GPBP1: variants seen among roughly 807,000 people sequenced by gnomAD.
GPBP1 encodes the protein GC-rich promoter binding protein 1.
GPBP1 carries 13 observed loss-of-function variants against 56.5 expected under a neutral mutation model. The observed-to-expected ratio is 0.23, with a 90% CI of 0.15 to 0.37. The LOEUF is 0.37. Ranked by LOEUF, GPBP1 falls within the 10% of genes least tolerant of loss-of-function variation. The pLI, the probability that GPBP1 is intolerant of heterozygous loss-of-function variation, is 1.00. For synonymous variants in GPBP1, 204 were observed against 188.9 expected, an observed-to-expected ratio of 1.08 and a Z score of -0.66; for missense variants, 477 against 572.3, an observed-to-expected ratio of 0.83 and a Z score of 1.70.
In GPBP1 at chr5:57,231,222, A is replaced by G; in HGVS notation, c.312A>G (p.Ala104=). ...SSRSRSSIFH[A]GKSQGLHENN... is the part of the protein sequence containing the mutation. Reference sequence around the variant, plus strand: ...GTTCTCGTAGCAGTATTTTCCATGCAGGAAAAAGCCAAGGACTACATGAAA... The same window carrying G: ...GTTCTCGTAGCAGTATTTTCCATGCGGGAAAAAGCCAAGGACTACATGAAA... The change falls in exon 5 of 12, where the codon GCA becomes GCG. Residue 104 remains alanine (A), a synonymous_variant. Transcript: ENST00000506184. 1 of 1,614,142 alleles carries G rather than the reference A, an allele frequency of 6.2e-7. No homozygotes were observed. The highest frequency in any genetic ancestry group is 8.5e-7 in the Non-Finnish European group (1 of 1,179,968).
At chr5:57,247,434 A>G (rs181943313) in intron 8 of GPBP1, among the ~76,000 whole-genome samples, 1 of 152,312 alleles carries the variant, frequency 6.6e-6, no homozygotes, top group East Asian at 1.9e-4. Context: ...TCATTCCTAT[A>G]ATCCCAACAT....
chr5:57,194,234 C>T (rs149753371), intron 2 of GPBP1, among the ~76,000 whole-genome samples: 1,644 of 152,140 alleles, frequency 0.011, 19 homozygotes, highest in Middle Eastern at 0.017. Flanking sequence ...GAATAGTTCT[C>T]GTAAATATAA....
intron 3 of GPBP1, among the ~76,000 whole-genome samples, chr5:57,227,509 C>T (rs981150900): frequency 1.3e-5 from 2 of 152,204 alleles, no homozygotes; most frequent in African/African-American, 2.4e-5. Context: ...CACGTTCTTG[C>T]TTGTATGCCA....
At chr5:57,254,132 C>T (rs1580082137) in intron 10 of GPBP1, among the ~76,000 whole-genome samples, 1 of 151,958 alleles carries the variant, frequency 6.6e-6, no homozygotes, top group East Asian at 1.9e-4. Flanking sequence ...CGCCATGTTG[C>T]CCAGGCTGGT....
rs201993755 is a variant in GPBP1, at chr5:57,251,575, CTTT to C, written c.1160+448_1160+450del. 6.0e-5 allele frequency among the ~76,000 whole-genome samples: 8 copies of C among 133,256 alleles called. No homozygotes were observed. In the East Asian group the frequency reaches 6.7e-4, roughly 11 times the overall value. 87.4% of individuals were successfully genotyped at this position (133,256 alleles called of 152,430 possible). A position where few individuals can be genotyped will look rare whatever the true frequency, so the allele number is the denominator to read the frequency against. On this transcript the variant is annotated intron_variant, in intron 10 of 11. Transcript: ENST00000506184. ...TGATGAATATTAGTTGTTTCCACCT[CTTT>C]TTTTTTTTTTTTTAACAGTAGGCTC...
At chr5:57,250,569 G>A (rs929870074) in intron 9 of GPBP1, among the ~76,000 whole-genome samples, 1 of 139,548 alleles carries the variant, frequency 7.2e-6, no homozygotes, top group Non-Finnish European at 1.5e-5. Context: ...TTTTTTTAGA[G>A]TTTTGCTCTT....
chr5:57,196,009 T>A (rs1754731128), intron 2 of GPBP1, among the ~76,000 whole-genome samples: 2 of 121,032 alleles, frequency 1.7e-5, no homozygotes, highest in South Asian at 2.5e-4. Flanking sequence ...AAAAAAAATT[T>A]TTTTTTTTTG....
chr5:57,192,141 G>A (rs542909534), intron 2 of GPBP1, among the ~76,000 whole-genome samples: 2 of 152,306 alleles, frequency 1.3e-5, no homozygotes, highest in South Asian at 4.1e-4. Flanking sequence ...TTTCAGGTGA[G>A]TATCCTCAGG....
intron 2 of GPBP1, among the ~76,000 whole-genome samples, chr5:57,176,661 A>T (rs1225771573): frequency 2.0e-5 from 3 of 152,214 alleles, no homozygotes; most frequent in African/African-American, 7.2e-5. Context: ...TAAAAAGCTA[A>T]ATTCGTATGG....
chr5:57,205,826 C>T (rs1331397289), intron 2 of GPBP1, among the ~76,000 whole-genome samples: 1 of 152,120 alleles, frequency 6.6e-6, no homozygotes, highest in African/African-American at 2.4e-5. Context: ...TGCACTGGCA[C>T]TATCAAGGCT....
chr5:57,230,643 G>A, intron 3 of GPBP1: 1 of 571,626 alleles, frequency 1.7e-6, no homozygotes, highest in East Asian at 3.0e-5. Context: ...AAGCACATGT[G>A]CTTGTTTCCA....
chr5:57,250,922 C>CTT lies in GPBP1; in HGVS notation c.973-19_973-18dup, dbSNP rs34533194. On this transcript the variant is annotated intron_variant, in intron 9 of 11. Transcript: ENST00000506184. ...ATAACTGTATTCTGTAGAACTCATT[C>CTT]TTTTTTTTTTTTTTAACTCTCTAAA... 15,708 of 1,168,004 alleles carry CTT rather than the reference C, an allele frequency of 0.013. 30 individuals are homozygous for CTT. The highest frequency in any genetic ancestry group is 0.044 in the Admixed American group (1,713 of 38,736). 72.4% of individuals were successfully genotyped at this position (1,168,004 alleles called of 1,614,324 possible). A position where few individuals can be genotyped will look rare whatever the true frequency, so the allele number is the denominator to read the frequency against.
rs34180383 is a variant in GPBP1, at chr5:57,226,553, C to CTTTT, written c.64-4272_64-4269dup. On this transcript the variant is annotated intron_variant, in intron 3 of 11. Coordinates refer to ENST00000506184, the MANE Select transcript of GPBP1 (RefSeq NM_022913.4). ...TCATCCTGGGCTCTGAGCATTTTTG[C>CTTTT]TTTTTTTTTTTTTTTTTTTTTTTTG... 2.8e-3 allele frequency among the ~76,000 whole-genome samples: 173 copies of CTTTT among 62,130 alleles called. 4 individuals are homozygous for CTTTT. The highest frequency in any genetic ancestry group is 7.7e-3 in the Admixed American group (29 of 3,746). The allele number at this position is 62,130 out of a possible 152,430, so 40.8% of individuals were successfully genotyped here.
At chr5:57,223,840 T>C (rs1247228623) in intron 3 of GPBP1, among the ~76,000 whole-genome samples, 2 of 150,886 alleles carry the variant, frequency 1.3e-5, no homozygotes, top group East Asian at 3.9e-4. Context: ...TATTTTATTT[T>C]ATTTTATTTT....
In GPBP1 at chr5:57,211,158, C is replaced by CT. The variant is rs869221194; in HGVS notation, c.-57-2903dup. Among the ~76,000 whole-genome samples the CT allele has an allele frequency of 7.8e-3, 1,113 of 143,320 alleles. 9 individuals are homozygous for CT. The highest frequency in any genetic ancestry group is 0.021 in the African/African-American group (830 of 39,538). The allele number at this position is 143,320 out of a possible 152,430, so 94.0% of individuals were successfully genotyped here. On this transcript the variant is annotated intron_variant, in intron 2 of 11. Coordinates refer to ENST00000506184, the MANE Select transcript of GPBP1 (RefSeq NM_022913.4). Reference sequence around the variant, plus strand: ...ACTGCCATAGCCATAACAATACTGCCTTTTTTTTTTTTTAAATCTTTTTTC... The same window carrying CT: ...ACTGCCATAGCCATAACAATACTGCCTTTTTTTTTTTTTTAAATCTTTTTTC...
chr5:57,236,096 TG>T, intron 6 of GPBP1, 64 bp downstream of exon 6: 1 of 1,125,360 alleles, frequency 8.9e-7, no homozygotes, highest in South Asian at 1.3e-5. Context: ...TTTCACTTTT[TG>T]TGTTTTTTAA....
chr5:57,258,829 G>A (rs1250838709), intron 10 of GPBP1, among the ~76,000 whole-genome samples: 1 of 152,144 alleles, frequency 6.6e-6, no homozygotes. Context: ...TACAGCCTCT[G>A]GTGGAGAAGT....
At chr5:57,189,210 T>C (rs114996480) in intron 2 of GPBP1, among the ~76,000 whole-genome samples, 4,214 of 152,280 alleles carry the variant, frequency 0.028, 74 homozygotes, top group Middle Eastern at 0.051. Flanking sequence ...ACTTCCACTT[T>C]CCAGTTCAGG....
chr5:57,246,224 C>A, intron 6 of GPBP1, 76 bp from the exon 7 acceptor site: 6 of 1,158,722 alleles, frequency 5.2e-6, no homozygotes, highest in Non-Finnish European at 4.8e-6. Flanking sequence ...TTGGAATATA[C>A]TGTTCTTTTG....
Sources: allele counts gnomAD v4.1 joint callset (sites outside exome capture counted in the v4.1 genomes callset), GRCh38; gene constraint gnomAD v4.1.1; transcripts MANE v1.5; gene names NCBI Gene and HGNC (gene_info 2026-07-23, HGNC 2026-07-21).